LNX1: variants seen among roughly 807,000 people sequenced by gnomAD.
LNX1 encodes ligand of numb-protein X 1, also known as E3 ubiquitin-protein ligase LNX.
Under a neutral mutation model 68.4 loss-of-function variants are expected in LNX1, and 54 were observed. The ratio of observed to expected loss-of-function variants is 0.79; its 90% CI spans 0.63 to 0.99. The LOEUF (loss-of-function observed/expected upper bound fraction) is 0.99. LNX1 is among the 50% of genes least tolerant of loss of function. The pLI is 0.00. For missense variants in LNX1, 906 were observed against 926.4 expected, an observed-to-expected ratio of 0.98 and a Z score of 0.29; for synonymous variants, 336 against 350.0, an observed-to-expected ratio of 0.96 and a Z score of 0.45.
intron 2 of LNX1, among the ~76,000 whole-genome samples, chr4:53,520,841 A>T (rs180955966): frequency 1.4e-4 from 22 of 152,278 alleles, no homozygotes; most frequent in Middle Eastern, 3.4e-3. Flanking sequence ...GAGTGCCTGT[A>T]ATCCCAGCTA....
chr4:53,546,945 G>A (rs1378969843), intron 2 of LNX1, among the ~76,000 whole-genome samples: 1 of 152,166 alleles, frequency 6.6e-6, no homozygotes, highest in Non-Finnish European at 1.5e-5. Flanking sequence ...TCTCTCCATG[G>A]AATTTCCCCT....
At chr4:53,472,325 C>T (rs530360022) in intron 9 of LNX1, among the ~76,000 whole-genome samples, 20 of 151,236 alleles carry the variant, frequency 1.3e-4, no homozygotes, top group South Asian at 2.1e-4. Context: ...CATCACACAC[C>T]GGGGACTGTT....
chr4:53,615,034 A>G (rs373516823), intron 2 of LNX1, among the ~76,000 whole-genome samples: 8 of 152,320 alleles, frequency 5.3e-5, no homozygotes, highest in African/African-American at 1.9e-4. Context: ...CCTTCAAAAC[A>G]TTGACCCTAG....
intron 1 of LNX1, among the ~76,000 whole-genome samples, chr4:53,580,704 A>G (rs1252221170): frequency 6.6e-6 from 1 of 152,230 alleles, no homozygotes; most frequent in Non-Finnish European, 1.5e-5. Flanking sequence ...TAGTGGCATT[A>G]GGTGGATTTA....
Position 53,573,713 on chromosome 4 carries a change from A to G in LNX1, c.290T>C (p.Leu97Pro), listed in dbSNP as rs1166725832. 2.5e-6 allele frequency: 4 copies of G among 1,610,954 alleles called. No individual in the cohort carries two copies. The highest frequency in any genetic ancestry group is 2.5e-6 in the Non-Finnish European group (3 of 1,178,714). ...GCAGGTCACCAGTAGCTTGTTGAGG[A>G]GTTTGTTGACCAGGATGCTGGACTT... Reference protein sequence around the residue: ...CKKSSILVNKLLNKLLVTCPF... With the variant: ...CKKSSILVNKPLNKLLVTCPF... The change falls in exon 2 of 11, where the codon CTC (leucine) becomes CCC (proline). Residue 97 changes from leucine (L) to proline (P), a missense_variant. Transcript: ENST00000263925.
Position 53,496,193 on chromosome 4 carries a change from C to T in LNX1, c.1180G>A (p.Gly394Arg), listed in dbSNP as rs773802579. 1 of 1,614,142 alleles carries T rather than the reference C, an allele frequency of 6.2e-7. No individual in the cohort carries two copies. Among genetic ancestry groups the T allele is most frequent in the East Asian group, 2.2e-5 (1 of 44,874 alleles). Residue 394 changes from glycine (G) to arginine (R), a missense_variant, in exon 6 of 11, where the codon GGA becomes AGA. Transcript: ENST00000263925. ...LNKSSPEEQL[G>R]IKLVRKVDEP... The stretch of plus-strand genomic sequence containing the variant: ...TCCACCTTGCGCACCAGTTTTATTC[C>T]AAGCTGCTCCTCGGGGCTACTTTTG...
At chr4:53,564,906 A>G (rs1730549311) in intron 2 of LNX1, among the ~76,000 whole-genome samples, 4 of 152,202 alleles carry the variant, frequency 2.6e-5, no homozygotes. Context: ...CGGGAAAATC[A>G]GGTCACTCCC....
chr4:53,481,740 C>G lies in LNX1; in HGVS notation c.1465G>C (p.Glu489Gln). ...CTCACCTTGGGAGTGTTGCTCCTCTCCCCTGGCCCTGGGGACCAGCTGCCA... is the reference window on the plus strand; with the variant it reads ...CTCACCTTGGGAGTGTTGCTCCTCTGCCCTGGCCCTGGGGACCAGCTGCCA... ...SNGSWSPGPGERSNTPKPLHP... is the reference protein window; with the variant it reads ...SNGSWSPGPGQRSNTPKPLHP... Residue 489 changes from glutamate to glutamine, a missense_variant, in exon 7 of 11, where the codon GAG becomes CAG. Coordinates refer to ENST00000263925, the MANE Select transcript of LNX1 (RefSeq NM_001126328.3). 6.2e-7 allele frequency: 1 copy of G among 1,613,776 alleles called. No individual in the cohort carries two copies. Among genetic ancestry groups the G allele is most frequent in the Non-Finnish European group, 8.5e-7 (1 of 1,179,812 alleles).
At chr4:53,492,428 A>T (rs1302889236) in intron 6 of LNX1, among the ~76,000 whole-genome samples, 5 of 151,272 alleles carry the variant, frequency 3.3e-5, no homozygotes, top group African/African-American at 4.9e-5. Context: ...AGAACAGGCC[A>T]CAAGACGTAT....
intron 2 of LNX1, among the ~76,000 whole-genome samples, chr4:53,569,300 G>C (rs1730959065): frequency 6.8e-6 from 1 of 146,944 alleles, no homozygotes; most frequent in Non-Finnish European, 1.5e-5. Context: ...GCATGGTACT[G>C]GTACCAAAAC....
intron 2 of LNX1, among the ~76,000 whole-genome samples, chr4:53,605,900 C>T (rs1733211944): frequency 6.6e-6 from 1 of 152,198 alleles, no homozygotes; most frequent in African/African-American, 2.4e-5. Context: ...ATGCAGCAAT[C>T]ACCAGATATC....
intron 7 of LNX1, 113 bp from the exon 8 acceptor site, chr4:53,478,855 G>A: frequency 9.9e-7 from 1 of 1,013,070 alleles, no homozygotes; most frequent in East Asian, 2.5e-5. Flanking sequence ...TACCAAAGCT[G>A]CATAAATTAT....
chr4:53,641,377 A>G (rs1212916059), intron 1 of LNX1, among the ~76,000 whole-genome samples: 9 of 152,230 alleles, frequency 5.9e-5, no homozygotes, highest in Admixed American at 4.6e-4. Flanking sequence ...ACCCACCAAT[A>G]AGCTGATGAA....
chr4:53,562,975 C>T (rs982041458), intron 2 of LNX1, among the ~76,000 whole-genome samples: 23 of 152,132 alleles, frequency 1.5e-4, no homozygotes, highest in Admixed American at 1.2e-3. Context: ...CTTTGGGAGG[C>T]CGAGACGGAT....
chr4:53,511,333 G>C (rs151287413), intron 2 of LNX1, among the ~76,000 whole-genome samples: 1 of 152,150 alleles, frequency 6.6e-6, no homozygotes, highest in Non-Finnish European at 1.5e-5. Context: ...TGGAAGAAGC[G>C]GGGAAGAGCT....
chr4:53,576,422 T>C (rs1731492697), intron 1 of LNX1: 1 of 1,473,988 alleles, frequency 6.8e-7, no homozygotes, highest in Non-Finnish European at 9.0e-7. Flanking sequence ...AGGTCAGGCT[T>C]GGACAGGCAC....
intron 8 of LNX1, among the ~76,000 whole-genome samples, chr4:53,477,738 T>C (rs1447858940): frequency 3.3e-5 from 5 of 152,158 alleles, no homozygotes. Context: ...CCCTTTTGCT[T>C]AACTTTCTTA....
chr4:53,570,816 A>G (rs1335397477), intron 2 of LNX1, among the ~76,000 whole-genome samples: 1 of 151,242 alleles, frequency 6.6e-6, no homozygotes, highest in Non-Finnish European at 1.5e-5. Flanking sequence ...TCACGAGGTC[A>G]GGAGATCGAG....
intron 1 of LNX1, among the ~76,000 whole-genome samples, chr4:53,639,679 C>G (rs1225735019): frequency 3.9e-5 from 6 of 152,120 alleles, no homozygotes; most frequent in African/African-American, 1.4e-4. Context: ...GCCCACTTAC[C>G]AGCTGTTCAT....
Sources: gnomAD v4.1 joint callset for allele counts (sites outside exome capture counted in the v4.1 genomes callset) on GRCh38, gnomAD v4.1.1 for gene constraint, MANE v1.5 for transcripts, NCBI Gene and HGNC (gene_info 2026-07-23, HGNC 2026-07-21) for gene names.